MGMT: variants seen among roughly 807,000 people sequenced by gnomAD.
MGMT encodes methylated-DNA--protein-cysteine methyltransferase.
MGMT carries 14 observed loss-of-function variants against 15.9 expected under a neutral mutation model. The observed-to-expected ratio is 0.88, with a 90% CI of 0.58 to 1.37. MGMT has a LOEUF of 1.37. Among genes scored for constraint, MGMT ranks in the 40% most tolerant of loss-of-function variants. MGMT has a pLI of 0.00. For missense variants in MGMT, 282 were observed against 268.1 expected (o/e 1.05, Z -0.36); for synonymous variants, 130 against 118.2 (o/e 1.10, Z -0.65).
intron 1 of MGMT, among the ~76,000 whole-genome samples, chr10:129,503,667 G>T (rs1845597296): frequency 6.6e-6 from 1 of 152,184 alleles, no homozygotes; most frequent in Non-Finnish European, 1.5e-5. Context: ...CATTTTGAAG[G>T]TAATATCTTT....
intron 2 of MGMT, among the ~76,000 whole-genome samples, chr10:129,668,290 A>G (rs1847682199): frequency 6.6e-6 from 1 of 152,118 alleles, no homozygotes; most frequent in Non-Finnish European, 1.5e-5. Flanking sequence ...ATCTTAAAAA[A>G]AAAAAAAGAA....
intron 2 of MGMT, among the ~76,000 whole-genome samples, chr10:129,538,581 C>T (rs1421261996): frequency 4.6e-5 from 7 of 151,970 alleles, no homozygotes; most frequent in African/African-American, 1.7e-4. Context: ...CTGATGAAGT[C>T]TTGGCCATTC....
intron 2 of MGMT, among the ~76,000 whole-genome samples, chr10:129,612,883 G>T (rs552019688): frequency 6.6e-6 from 1 of 152,292 alleles, no homozygotes; most frequent in East Asian, 1.9e-4. Flanking sequence ...GACTCTGCCC[G>T]TCCTTCCTGA....
chr10:129,630,328 A>G (rs1225264112), intron 2 of MGMT, among the ~76,000 whole-genome samples: 1 of 152,200 alleles, frequency 6.6e-6, no homozygotes, highest in Non-Finnish European at 1.5e-5. Flanking sequence ...AGGGCAATTT[A>G]AAAGTTGGAT....
At chr10:129,704,578 C>T (rs1848137557) in intron 2 of MGMT, among the ~76,000 whole-genome samples, 1 of 152,078 alleles carries the variant, frequency 6.6e-6, no homozygotes, top group Admixed American at 6.6e-5. Context: ...CTCTGCTGGG[C>T]TTGGTTCACA....
chr10:129,714,205 A>G (rs564817784), intron 3 of MGMT, among the ~76,000 whole-genome samples: 5 of 152,368 alleles, frequency 3.3e-5, no homozygotes, highest in African/African-American at 9.6e-5. Flanking sequence ...CAGCCCAGTA[A>G]CAGCGAAGCA....
chr10:129,600,027 G>A (rs1233711597), intron 2 of MGMT, among the ~76,000 whole-genome samples: 1 of 152,058 alleles, frequency 6.6e-6, no homozygotes, highest in African/African-American at 2.4e-5. Flanking sequence ...CAATTTGACG[G>A]GTCATTTCTT....
rs570372183 is a variant in MGMT at position 129,766,014 on chromosome 10, G to A, written c.415-774G>A. Among the ~76,000 whole-genome samples the A allele has an allele frequency of 3.9e-5, 6 of 152,258 alleles. No homozygotes were observed. In the South Asian group the frequency reaches 8.3e-4, roughly 21 times the overall value. The stretch of plus-strand genomic sequence containing the variant: ...GAGGACTGCACTGAAGGAGGCGCCC[G>A]CCCCTCTGGAGGGAACAGGGATTCC... On this transcript the variant is annotated intron_variant, in intron 4 of 4. Coordinates refer to ENST00000651593, the MANE Select transcript of MGMT (RefSeq NM_002412.5).
chr10:129,746,187 C>T (rs1848692993), intron 3 of MGMT, among the ~76,000 whole-genome samples: 1 of 149,170 alleles, frequency 6.7e-6, no homozygotes, highest in Non-Finnish European at 1.5e-5. Flanking sequence ...TGCAGTGAGC[C>T]GAGATCGCAC....
intron 1 of MGMT, among the ~76,000 whole-genome samples, chr10:129,534,591 A>G (rs1259545033): frequency 6.6e-6 from 1 of 151,910 alleles, no homozygotes; most frequent in Non-Finnish European, 1.5e-5. Context: ...TCGTTCTTGG[A>G]AAGACAGATG....
chr10:129,515,299 A>G (rs1331699717), intron 1 of MGMT, among the ~76,000 whole-genome samples: 1 of 152,194 alleles, frequency 6.6e-6, no homozygotes, highest in Non-Finnish European at 1.5e-5. Flanking sequence ...CTGGGAGCCC[A>G]CAGTCCAGCC....
rs190825879 is a variant in MGMT, at chr10:129,638,737, C to A, written c.126-69158C>A. 9.2e-5 allele frequency among the ~76,000 whole-genome samples: 14 copies of A among 152,112 alleles called. No individual in the cohort carries two copies. The East Asian group carries it at 2.7e-3, about 29-fold the overall frequency. On this transcript the variant is annotated intron_variant, in intron 2 of 4. Transcript: ENST00000651593. ...CAAGGCCTCAAAAGTTACACCTTAA[C>A]AATTATAATAAATGTAAATGAACTA...
chr10:129,716,825 A>C (rs1032410102), intron 3 of MGMT, among the ~76,000 whole-genome samples: 1 of 152,236 alleles, frequency 6.6e-6, no homozygotes, highest in Non-Finnish European at 1.5e-5. Context: ...TAGTTTGTGA[A>C]TCGCATCCTT....
At chr10:129,610,575 T>G (rs1006420152) in intron 2 of MGMT, among the ~76,000 whole-genome samples, 1 of 152,268 alleles carries the variant, frequency 6.6e-6, no homozygotes. Context: ...GCTCTATTTT[T>G]TACCAACTAA....
intron 2 of MGMT, among the ~76,000 whole-genome samples, chr10:129,661,004 T>C (rs918828741): frequency 3.9e-5 from 6 of 152,228 alleles, no homozygotes; most frequent in African/African-American, 1.4e-4. Context: ...CTTAGTCCTT[T>C]GGAATGCAAC....
chr10:129,515,400 A>G (rs1845727792), intron 1 of MGMT, among the ~76,000 whole-genome samples: 1 of 152,182 alleles, frequency 6.6e-6, no homozygotes, highest in Non-Finnish European at 1.5e-5. Context: ...GCCCCGTTGA[A>G]GGGCAGTGCT....
chr10:129,546,508 G>T (rs1846099986), intron 2 of MGMT, among the ~76,000 whole-genome samples: 1 of 152,216 alleles, frequency 6.6e-6, no homozygotes, highest in Non-Finnish European at 1.5e-5. Context: ...GGCTAGGGGA[G>T]AGGTGAGCAA....
At chr10:129,496,804 A>G (rs1235323025) in intron 1 of MGMT, among the ~76,000 whole-genome samples, 1 of 152,110 alleles carries the variant, frequency 6.6e-6, no homozygotes, top group Non-Finnish European at 1.5e-5. Flanking sequence ...TAATTACTAC[A>G]CTTTAAAAGG....
intron 2 of MGMT, among the ~76,000 whole-genome samples, chr10:129,582,023 C>T (rs1404018049): frequency 9.9e-5 from 15 of 152,212 alleles, no homozygotes; most frequent in Admixed American, 9.8e-4. Flanking sequence ...CGTGGGCCAG[C>T]CTCTGTGGGC....
Sources: allele counts gnomAD v4.1 joint callset (sites outside exome capture counted in the v4.1 genomes callset), GRCh38; gene constraint gnomAD v4.1.1; transcripts MANE v1.5; gene names NCBI Gene and HGNC (gene_info 2026-07-23, HGNC 2026-07-21).